ACYP2: variants seen among roughly 807,000 people sequenced by gnomAD.
The protein encoded by ACYP2 is acylphosphatase-2.
ACYP2 carries 12 observed loss-of-function variants against 11.2 expected under a neutral mutation model. The ratio of observed to expected loss-of-function variants is 1.08; its 90% CI spans 0.69 to 1.74. The LOEUF is 1.74. Ranked by LOEUF, ACYP2 falls within the 40% of genes most tolerant of loss-of-function variation. The pLI is 0.00. For synonymous variants in ACYP2, 43 were observed against 32.2 expected, an observed-to-expected ratio of 1.33 and a Z score of -1.13; for missense variants, 134 against 101.9, an observed-to-expected ratio of 1.31 and a Z score of -1.35.
At chr2:54,252,928 G>A (rs1687297067) in intron 6 of ACYP2, among the ~76,000 whole-genome samples, 1 of 152,020 alleles carries the variant, frequency 6.6e-6, no homozygotes, top group Non-Finnish European at 1.5e-5. Flanking sequence ...TATGCCAATG[G>A]TATAATTCCA....
chr2:54,165,544 C>CAA (rs1453647090), intron 6 of ACYP2, among the ~76,000 whole-genome samples: 3 of 142,606 alleles, frequency 2.1e-5, no homozygotes, highest in African/African-American at 5.3e-5. Flanking sequence ...CTCACACACA[C>CAA]ACACACACAC....
At chr2:53,998,012 A>T (rs1238428130) in intron 2 of ACYP2, among the ~76,000 whole-genome samples, 7 of 152,132 alleles carry the variant, frequency 4.6e-5, no homozygotes, top group Admixed American at 2.6e-4. Context: ...TGAAATGTAT[A>T]AAAAAACTTG....
rs181004353 is a variant in ACYP2, at chr2:54,010,317, C to T, written c.62+36507C>T. Among the ~76,000 whole-genome samples the T allele has an allele frequency of 5.6e-3, 853 of 152,234 alleles. 3 individuals carry two copies. The highest frequency in any genetic ancestry group is 8.6e-3 in the Admixed American group (132 of 15,288). ...TGGCCAACATGGTGAAACCCTGTCT[C>T]TACTAAAAATACAAAAATTAGTTGG... On this transcript the variant is annotated intron_variant, in intron 2 of 6. Transcript: ENST00000607452.
At chr2:54,276,776 G>A (rs564912479) in intron 6 of ACYP2, among the ~76,000 whole-genome samples, 9 of 151,900 alleles carry the variant, frequency 5.9e-5, no homozygotes, top group Admixed American at 5.9e-4. Context: ...ATTAAAAAAG[G>A]AAAGAATGAA....
At chr2:54,284,418 C>G (rs912580693) in intron 6 of ACYP2, among the ~76,000 whole-genome samples, 8 of 152,192 alleles carry the variant, frequency 5.3e-5, no homozygotes, top group African/African-American at 1.9e-4. Context: ...CTCAATTCCA[C>G]TGCTAGAATC....
chr2:54,057,675 TTA>T (rs747338401), intron 4 of ACYP2, among the ~76,000 whole-genome samples: 1 of 152,160 alleles, frequency 6.6e-6, no homozygotes, highest in African/African-American at 2.4e-5. Flanking sequence ...CTTTACTGTT[TTA>T]TATATATATG....
intron 6 of ACYP2, among the ~76,000 whole-genome samples, chr2:54,172,007 A>G (rs977628267): frequency 2.0e-5 from 3 of 152,124 alleles, no homozygotes; most frequent in Non-Finnish European, 4.4e-5. Flanking sequence ...TGAGCCTAGC[A>G]GTGCAAGATC....
intron 2 of ACYP2, among the ~76,000 whole-genome samples, chr2:54,003,046 C>G (rs1672875741): frequency 6.6e-6 from 1 of 151,676 alleles, no homozygotes; most frequent in Admixed American, 6.6e-5. Flanking sequence ...CTCCTGGGTT[C>G]AAGTGAATAC....
chr2:54,000,159 T>G (rs1303642526), intron 2 of ACYP2, among the ~76,000 whole-genome samples: 3 of 151,884 alleles, frequency 2.0e-5, no homozygotes, highest in Non-Finnish European at 4.4e-5. Context: ...TCATTGAGCT[T>G]CTTAGGGGTC....
intron 2 of ACYP2, among the ~76,000 whole-genome samples, chr2:53,994,925 C>A (rs969707301): frequency 6.6e-6 from 1 of 152,102 alleles, no homozygotes; most frequent in African/African-American, 2.4e-5. Flanking sequence ...TGTCATGTAG[C>A]GTTTCCGTTA....
At chr2:54,115,719 C>G (rs762798948) in intron 4 of ACYP2, 3 of 1,613,050 alleles carry the variant, frequency 1.9e-6, no homozygotes, top group Admixed American at 3.3e-5. Flanking sequence ...CCCAGTCACT[C>G]AAATCCGTGG....
chr2:54,049,422 A>G (rs141835686), intron 2 of ACYP2, among the ~76,000 whole-genome samples: 25 of 152,244 alleles, frequency 1.6e-4, no homozygotes, highest in Admixed American at 1.1e-3. Flanking sequence ...CTTCCTATCC[A>G]CATGTAAATA....
chr2:54,245,400 T>C (rs889682571), intron 6 of ACYP2, among the ~76,000 whole-genome samples: 1 of 152,182 alleles, frequency 6.6e-6, no homozygotes, highest in Non-Finnish European at 1.5e-5. Context: ...AAATGCTGAG[T>C]AGTGGGATTG....
At chr2:54,133,280 A>C (rs117332777) in intron 4 of ACYP2, among the ~76,000 whole-genome samples, 4 of 152,166 alleles carry the variant, frequency 2.6e-5, no homozygotes, top group African/African-American at 9.7e-5. Flanking sequence ...TTTGTGATTC[A>C]TACGTGTTGT....
At chr2:54,056,160 TGAG>T (rs975056684) in intron 3 of ACYP2, among the ~76,000 whole-genome samples, 1 of 152,146 alleles carries the variant, frequency 6.6e-6, no homozygotes, top group African/African-American at 2.4e-5. Context: ...TCCACCAGCT[TGAG>T]GAGGATTCAT....
At chr2:54,055,593 C>T (rs1250110277) in intron 3 of ACYP2, among the ~76,000 whole-genome samples, 4 of 151,922 alleles carry the variant, frequency 2.6e-5, no homozygotes, top group Non-Finnish European at 5.9e-5. Flanking sequence ...AGAAGTTAAT[C>T]GAATTTCTTA....
chr2:54,053,105 A>G (rs149596172), intron 3 of ACYP2, among the ~76,000 whole-genome samples: 12 of 152,278 alleles, frequency 7.9e-5, no homozygotes, highest in African/African-American at 2.6e-4. Flanking sequence ...ACCCCTGAAG[A>G]GCATGTTTTT....
chr2:54,022,509 G>T (rs983437611), intron 2 of ACYP2, among the ~76,000 whole-genome samples: 3 of 152,064 alleles, frequency 2.0e-5, no homozygotes, highest in Non-Finnish European at 4.4e-5. Flanking sequence ...AGCCTTCTGA[G>T]TAGTTGGGAG....
chr2:54,110,978 T>A (rs915678933), intron 4 of ACYP2, among the ~76,000 whole-genome samples: 2 of 151,886 alleles, frequency 1.3e-5, no homozygotes, highest in African/African-American at 4.8e-5. Context: ...AGGGCAGAGA[T>A]ATGAGCCTCC....
Sources: allele counts gnomAD v4.1 joint callset (sites outside exome capture counted in the v4.1 genomes callset), GRCh38; gene constraint gnomAD v4.1.1; transcripts MANE v1.5; gene names NCBI Gene and HGNC (gene_info 2026-07-23, HGNC 2026-07-21).